ECT2: variants seen among roughly 807,000 people sequenced by gnomAD.
ECT2 encodes the protein protein ECT2.
A neutral mutation model predicts 116.9 loss-of-function variants in ECT2; 61 were observed. The ratio of observed to expected loss-of-function variants is 0.52; its 90% CI spans 0.42 to 0.65. The LOEUF is 0.65. Ranked by LOEUF, ECT2 falls within the 30% of genes least tolerant of loss-of-function variation. ECT2 has a pLI of 0.00. For missense variants in ECT2, 937 were observed against 1,078.7 expected, an observed-to-expected ratio of 0.87 and a Z score of 1.84; for synonymous variants, 358 against 346.4, an observed-to-expected ratio of 1.03 and a Z score of -0.37.
At chr3:172,814,765 A>G (rs1217002617) in intron 22 of ECT2, among the ~76,000 whole-genome samples, 2 of 152,182 alleles carry the variant, frequency 1.3e-5, no homozygotes, top group Non-Finnish European at 2.9e-5. Context: ...GGTATTTAGC[A>G]TATCCATCAC....
chr3:172,755,134 A>AT (rs1716700315), intron 2 of ECT2, among the ~76,000 whole-genome samples, 161 bp from the exon 3 acceptor site: 2 of 151,240 alleles, frequency 1.3e-5, no homozygotes, highest in Non-Finnish European at 2.9e-5. Flanking sequence ...ATAGCCAGAT[A>AT]TTTTTGTAAT....
intron 15 of ECT2, among the ~76,000 whole-genome samples, chr3:172,782,879 T>TC (rs1722966429): frequency 6.6e-6 from 1 of 152,318 alleles, no homozygotes; most frequent in Non-Finnish European, 1.5e-5. Flanking sequence ...CTCGCATTTT[T>TC]TTTTTAATGG....
intron 11 of ECT2, 36 bp downstream of exon 11, chr3:172,763,008 G>C: frequency 5.0e-6 from 8 of 1,598,016 alleles, no homozygotes; most frequent in Non-Finnish European, 6.8e-6. Context: ...TGTTCTGTGA[G>C]CTTGATTGTT....
At chr3:172,810,281 T>G (rs533712978) in intron 22 of ECT2, among the ~76,000 whole-genome samples, 1 of 152,304 alleles carries the variant, frequency 6.6e-6, no homozygotes, top group East Asian at 1.9e-4. Context: ...TATATTTCTT[T>G]TGAAATTTTT....
chr3:172,819,959 A>G (rs879717038), intron 24 of ECT2, among the ~76,000 whole-genome samples, 189 bp from the exon 25 acceptor site: 3 of 152,094 alleles, frequency 2.0e-5, no homozygotes, highest in Non-Finnish European at 2.9e-5. Flanking sequence ...TCAGAATGCT[A>G]TAATAGTTTT....
chr3:172,816,888 T>C (rs1729817957), intron 24 of ECT2, 51 bp downstream of exon 24: 3 of 1,379,592 alleles, frequency 2.2e-6, no homozygotes, highest in South Asian at 1.8e-5. Flanking sequence ...GAAGTTGTTA[T>C]GGAATTTGTT....
At chr3:172,815,829 G>A (rs1436888830) in intron 23 of ECT2, 118 bp downstream of exon 23, 11 of 686,138 alleles carry the variant, frequency 1.6e-5, no homozygotes, top group Middle Eastern at 2.5e-4. Context: ...GCTGTTCTTC[G>A]GTTCTAGGAA....
chr3:172,802,867 CT>C lies in ECT2; in HGVS notation c.1997del (p.Leu666TyrfsTer7). On this transcript the variant is annotated frameshift_variant, in exon 20 of 25. Coordinates refer to ENST00000392692, the MANE Select transcript of ECT2 (RefSeq NM_001258315.2). LOFTEE classifies it high-confidence loss of function. The stretch of plus-strand genomic sequence containing the variant: ...ATATTTTCAACCTATACAGGCTAAT[CT>C]TTTATCTTCTCACCGAAGCTTAGTA... ...VYEVDGCPANLLSSHRSLVQR... is the reference protein window; with the variant it reads ...VYEVDGCPANXLSSHRSLVQR... 1 of 1,612,198 alleles carries C rather than the reference CT, an allele frequency of 6.2e-7. No individual in the cohort carries two copies. The highest frequency in any genetic ancestry group is 8.5e-7 in the Non-Finnish European group (1 of 1,179,250).
chr3:172,775,130 G>A (rs1721413674), intron 14 of ECT2, among the ~76,000 whole-genome samples: 1 of 151,358 alleles, frequency 6.6e-6, no homozygotes, highest in African/African-American at 2.4e-5. Context: ...AACAGATTTA[G>A]CTGAACTCTT....
Position 172,757,170 on chromosome 3 carries a change from G to T in ECT2, c.486+5G>T. The T allele has an allele frequency of 6.9e-7, 1 of 1,448,202 alleles. No homozygotes were observed. The allele number at this position is 1,448,202 out of a possible 1,614,324, so 89.7% of individuals were successfully genotyped here. Reference sequence around the variant, plus strand: ...AATTGTTCACAAAAAGGAGAGGTAAGCATATACATTTATTATGACTTTTCA... The same window carrying T: ...AATTGTTCACAAAAAGGAGAGGTAATCATATACATTTATTATGACTTTTCA... On this transcript the variant is annotated splice_donor_5th_base_variant and intron_variant, in intron 5 of 24. Coordinates refer to ENST00000392692, the MANE Select transcript of ECT2 (RefSeq NM_001258315.2).
chr3:172,812,094 G>A (rs113765500), intron 22 of ECT2, among the ~76,000 whole-genome samples: 9,311 of 150,936 alleles, frequency 0.062, 964 homozygotes, highest in African/African-American at 0.22. Flanking sequence ...AGTGATTCTC[G>A]TGCCTCAGCC....
chr3:172,823,759 A>G (rs1251131715), downstream of ECT2, among the ~76,000 whole-genome samples: 1 of 152,214 alleles, frequency 6.6e-6, no homozygotes, highest in African/African-American at 2.4e-5. Flanking sequence ...TGCTTACAAA[A>G]AAAAAGTTAA....
chr3:172,776,191 G>GT lies in ECT2; in HGVS notation c.1548+2175dup, dbSNP rs1294531373. Among the ~76,000 whole-genome samples the GT allele has an allele frequency of 3.7e-3, 392 of 106,912 alleles. 2 individuals are homozygous for GT. Among genetic ancestry groups the GT allele is most frequent in the African/African-American group, 0.015 (366 of 24,846 alleles). 70.1% of individuals were successfully genotyped at this position (106,912 alleles called of 152,430 possible). On this transcript the variant is annotated intron_variant, in intron 14 of 24. Coordinates refer to ENST00000392692, the MANE Select transcript of ECT2 (RefSeq NM_001258315.2). ...TGGTACTTCAACTATTAGTTTTTCAGTTTTTTCTTTTTTTTTTTTTTTTTT... is the reference window on the plus strand; with the variant it reads ...TGGTACTTCAACTATTAGTTTTTCAGTTTTTTTCTTTTTTTTTTTTTTTTTT...
chr3:172,801,042 T>A (rs950395875), intron 18 of ECT2, among the ~76,000 whole-genome samples: 1 of 152,202 alleles, frequency 6.6e-6, no homozygotes, highest in Non-Finnish European at 1.5e-5. Flanking sequence ...GTTCAATCTT[T>A]CTTGCAGTTT....
chr3:172,790,611 T>C (rs1724488253), intron 18 of ECT2, among the ~76,000 whole-genome samples: 1 of 152,252 alleles, frequency 6.6e-6, no homozygotes, highest in African/African-American at 2.4e-5. Flanking sequence ...ATTCTTCTGA[T>C]GGATCTGTTC....
At position 172,759,089 on chromosome 3, in the gene ECT2, T is replaced by C. The variant is rs1281808198; in HGVS notation, c.576+20T>C. The stretch of plus-strand genomic sequence containing the variant: ...GAACTAGTAAGTATTACGAAACAAA[T>C]TCAAAGCGTATTTTTTACAGCAAAA... On this transcript the variant is annotated intron_variant, in intron 6 of 24. Transcript: ENST00000392692. 3 of 1,506,726 alleles carry C rather than the reference T, an allele frequency of 2.0e-6. No homozygotes were observed. Among genetic ancestry groups the C allele is most frequent in the Non-Finnish European group, 2.7e-6 (3 of 1,107,020 alleles). The allele number at this position is 1,506,726 out of a possible 1,614,324, so 93.3% of individuals were successfully genotyped here.
chr3:172,805,559 A>G (rs867062172), intron 20 of ECT2, among the ~76,000 whole-genome samples, 172 bp from the exon 21 acceptor site: 1 of 152,182 alleles, frequency 6.6e-6, no homozygotes, highest in Non-Finnish European at 1.5e-5. Context: ...CTGCTATACA[A>G]TTACATGTTT....
At chr3:172,811,194 T>G (rs1017350858) in intron 22 of ECT2, among the ~76,000 whole-genome samples, 1 of 152,026 alleles carries the variant, frequency 6.6e-6, no homozygotes, top group Admixed American at 6.6e-5. Flanking sequence ...AAGCAGAAAG[T>G]TTTTTGTCTT....
chr3:172,798,008 A>G (rs947754751), intron 18 of ECT2, among the ~76,000 whole-genome samples: 8 of 152,108 alleles, frequency 5.3e-5, no homozygotes. Flanking sequence ...ACTTCCCCCA[A>G]ATCAAATCGT....
Sources: allele counts gnomAD v4.1 joint callset (sites outside exome capture counted in the v4.1 genomes callset), GRCh38; gene constraint gnomAD v4.1.1; transcripts MANE v1.5; gene names NCBI Gene and HGNC (gene_info 2026-07-23, HGNC 2026-07-21).